ROBO2: variants seen among roughly 807,000 people sequenced by gnomAD.
The protein encoded by ROBO2 is roundabout guidance receptor 2, also known as roundabout homolog 2.
Under a neutral mutation model 160.8 loss-of-function variants are expected in ROBO2, and 53 were observed. The observed-to-expected ratio is 0.33, with a 90% CI of 0.26 to 0.41. ROBO2 has a LOEUF of 0.41. Among genes scored for constraint, ROBO2 ranks in the 10% least tolerant of loss-of-function variants. The pLI is 1.00. For missense variants in ROBO2, 1,577 were observed against 1,722.4 expected (o/e 0.92, Z 1.49); for synonymous variants, 664 against 611.7 (o/e 1.09, Z -1.26).
At chr3:76,317,721 G>T (rs1202056569) in intron 2 of ROBO2, among the ~76,000 whole-genome samples, 1 of 151,972 alleles carries the variant, frequency 6.6e-6, no homozygotes, top group Non-Finnish European at 1.5e-5. Flanking sequence ...ATGTTCAAAA[G>T]ATTATTAGAG....
chr3:77,624,669 A>T (rs527433734), intron 23 of ROBO2, among the ~76,000 whole-genome samples: 3 of 152,334 alleles, frequency 2.0e-5, no homozygotes, highest in Non-Finnish European at 4.4e-5. Context: ...GTAAGTGCCC[A>T]TACAGTGGAT....
chr3:76,710,410 C>T (rs1057306106), intron 2 of ROBO2, among the ~76,000 whole-genome samples: 12 of 152,172 alleles, frequency 7.9e-5, no homozygotes, highest in East Asian at 1.9e-4. Flanking sequence ...TGAGCCACTG[C>T]GTCCAGCATG....
At chr3:76,336,261 A>G (rs1166092223) in intron 2 of ROBO2, among the ~76,000 whole-genome samples, 2 of 152,252 alleles carry the variant, frequency 1.3e-5, no homozygotes, top group Admixed American at 6.5e-5. Context: ...CACTTTGCCA[A>G]TGGCTTACTG....
intron 2 of ROBO2, among the ~76,000 whole-genome samples, chr3:76,748,073 A>G (rs2093922239): frequency 6.6e-6 from 1 of 151,982 alleles, no homozygotes; most frequent in African/African-American, 2.4e-5. Flanking sequence ...TAAGGGGACT[A>G]GTCAAAAAAC....
At position 77,353,811 on chromosome 3, in the gene ROBO2, G is replaced by A. The variant is rs566116042; in HGVS notation, c.389-123603G>A. On this transcript the variant is annotated intron_variant, in intron 2 of 25. Transcript: ENST00000461745. ...TAGGTGTGAGCCACAGCACCTGGCCGGGAACCTTTAGAAAAAAAATTAGTA... is the reference window on the plus strand; with the variant it reads ...TAGGTGTGAGCCACAGCACCTGGCCAGGAACCTTTAGAAAAAAAATTAGTA... Among the ~76,000 whole-genome samples, 16 of 151,484 alleles carry A rather than the reference G, an allele frequency of 1.1e-4. No homozygotes were observed. The South Asian group carries it at 1.9e-3, about 18-fold the overall frequency.
At chr3:77,384,418 T>C (rs376197243) in intron 2 of ROBO2, among the ~76,000 whole-genome samples, 1 of 152,262 alleles carries the variant, frequency 6.6e-6, no homozygotes, top group East Asian at 1.9e-4. Context: ...TTCTTCAATG[T>C]TATTTATCTT....
At chr3:77,355,088 T>C (rs1400291994) in intron 2 of ROBO2, among the ~76,000 whole-genome samples, 2 of 152,122 alleles carry the variant, frequency 1.3e-5, no homozygotes, top group African/African-American at 4.8e-5. Context: ...TCCAAAGAGT[T>C]CTATCACATA....
chr3:77,322,309 A>G (rs1244077711), intron 2 of ROBO2, among the ~76,000 whole-genome samples: 1 of 152,146 alleles, frequency 6.6e-6, no homozygotes, highest in Non-Finnish European at 1.5e-5. Flanking sequence ...TATGACTGGA[A>G]AAAAATCTAT....
At chr3:77,455,313 C>T (rs1324343530) in intron 2 of ROBO2, among the ~76,000 whole-genome samples, 2 of 151,894 alleles carry the variant, frequency 1.3e-5, no homozygotes, top group African/African-American at 2.4e-5. Flanking sequence ...TTAAGTTACG[C>T]TAATGAAAAG....
chr3:76,049,382 A>AGTGTAT lies in ROBO2; in HGVS notation c.109+111782_109+111783insGTATGT, dbSNP rs138348207. On this transcript the variant is annotated intron_variant, in intron 2 of 26. Transcript: ENST00000487694. The stretch of plus-strand genomic sequence containing the variant: ...CATGCCACCACCCCTGGCTAATTTT[A>AGTGTAT]GTATATATATATATATATATATTTT... 7.3e-3 allele frequency among the ~76,000 whole-genome samples: 624 copies of AGTGTAT among 85,234 alleles called. 26 individuals carry two copies. Among genetic ancestry groups the AGTGTAT allele is most frequent in the African/African-American group, 0.043 (608 of 14,108 alleles). The allele number at this position is 85,234 out of a possible 152,430, so 55.9% of individuals were successfully genotyped here.
chr3:77,095,053 T>G (rs1352302557), intron 1 of ROBO2, among the ~76,000 whole-genome samples: 1 of 152,166 alleles, frequency 6.6e-6, no homozygotes, highest in Admixed American at 6.5e-5. Flanking sequence ...TTTCTTTTGT[T>G]GCTTATGCTT....
intron 2 of ROBO2, among the ~76,000 whole-genome samples, chr3:77,206,795 A>G (rs997432088): frequency 2.6e-5 from 4 of 152,204 alleles, no homozygotes; most frequent in Non-Finnish European, 5.9e-5. Flanking sequence ...CATTCTAAAT[A>G]ACGTTGCAAT....
Position 77,577,413 on chromosome 3 carries a change from A to G in ROBO2, c.2204-77A>G. On this transcript the variant is annotated intron_variant, in intron 14 of 25. Coordinates refer to ENST00000461745, the Ensembl canonical transcript of ROBO2. Reference sequence around the variant, plus strand: ...CCAGAGTCTCCTGCAACTTGTCTTTATACTCATATTCTGAAAGTAGCATGA... The same window carrying G: ...CCAGAGTCTCCTGCAACTTGTCTTTGTACTCATATTCTGAAAGTAGCATGA... 2.5e-6 allele frequency: 4 copies of G among 1,591,782 alleles called. No individual in the cohort carries two copies. In the South Asian group the frequency reaches 4.4e-5, roughly 18 times the overall value.
At chr3:76,718,886 T>C (rs1168927053) in intron 2 of ROBO2, among the ~76,000 whole-genome samples, 1 of 152,226 alleles carries the variant, frequency 6.6e-6, no homozygotes, top group African/African-American at 2.4e-5. Flanking sequence ...TTATTGGCTG[T>C]TTCTGTGGAC....
intron 2 of ROBO2, among the ~76,000 whole-genome samples, chr3:76,974,238 T>C (rs1298261409): frequency 6.6e-6 from 1 of 152,202 alleles, no homozygotes; most frequent in Non-Finnish European, 1.5e-5. Flanking sequence ...TAAACAGCCT[T>C]GATACATATT....
chr3:77,516,858 G>T (rs2090074016), intron 5 of ROBO2, among the ~76,000 whole-genome samples: 1 of 151,554 alleles, frequency 6.6e-6, no homozygotes, highest in Non-Finnish European at 1.5e-5. Flanking sequence ...GCATATAATT[G>T]TTGCACTGGT....
intron 2 of ROBO2, among the ~76,000 whole-genome samples, chr3:76,690,694 A>G (rs1256662442): frequency 6.6e-6 from 1 of 152,102 alleles, no homozygotes; most frequent in Non-Finnish European, 1.5e-5. Flanking sequence ...AAAGAGCTAT[A>G]CAGCAGAGCC....
chr3:77,584,262 T>C (rs1336258585), intron 16 of ROBO2, among the ~76,000 whole-genome samples: 1 of 152,262 alleles, frequency 6.6e-6, no homozygotes, highest in African/African-American at 2.4e-5. Context: ...TGCCTCACAC[T>C]GTATGGATTG....
chr3:77,293,384 A>T (rs2061564404), intron 2 of ROBO2, among the ~76,000 whole-genome samples: 2 of 150,530 alleles, frequency 1.3e-5, no homozygotes, highest in African/African-American at 5.0e-5. Flanking sequence ...CTGAGGCTAG[A>T]TCACCCCAGA....
Sources: allele counts gnomAD v4.1 joint callset (sites outside exome capture counted in the v4.1 genomes callset), GRCh38; gene constraint gnomAD v4.1.1; transcripts MANE v1.5; gene names NCBI Gene and HGNC (gene_info 2026-07-23, HGNC 2026-07-21).